Variants in SORBS2 observed in about 807,000 individuals in gnomAD.
The protein encoded by SORBS2 is sorbin and SH3 domain containing 2.
Under a neutral mutation model 97.7 loss-of-function variants are expected in SORBS2, and 46 were observed. The ratio of observed to expected loss-of-function variants is 0.47; its 90% confidence interval spans 0.37 to 0.60. The LOEUF is 0.60. Among genes scored for constraint, SORBS2 ranks in the 20% least tolerant of loss-of-function variants. The pLI is 0.00. For missense variants in SORBS2, 1,316 were observed against 1,282.3 expected, an observed-to-expected ratio of 1.03 and a Z score of -0.40; for synonymous variants, 476 against 473.4, an observed-to-expected ratio of 1.01 and a Z score of -0.07.
chr4:185,837,252 GA>G (rs929458953), intron 1 of SORBS2, among the ~76,000 whole-genome samples: 11 of 147,238 alleles, frequency 7.5e-5, no homozygotes, highest in South Asian at 4.3e-4. Context: ...TTTGTCCCTA[GA>G]AAAAAAAAAG....
intron 1 of SORBS2, among the ~76,000 whole-genome samples, chr4:185,889,504 C>T (rs965866431): frequency 1.3e-5 from 2 of 152,100 alleles, no homozygotes; most frequent in East Asian, 1.9e-4. Flanking sequence ...GCTTCTGGGA[C>T]ATGATGCTGT....
chr4:185,905,090 G>A (rs2099249978), intron 1 of SORBS2, among the ~76,000 whole-genome samples: 1 of 149,880 alleles, frequency 6.7e-6, no homozygotes, highest in Admixed American at 6.7e-5. Context: ...GGCAACAAGA[G>A]TGAAACTCTG....
chr4:185,621,646 G>A (rs540152168), intron 7 of SORBS2, among the ~76,000 whole-genome samples: 1 of 152,262 alleles, frequency 6.6e-6, no homozygotes, highest in South Asian at 2.1e-4. Context: ...AGTGTATAGT[G>A]TAGCAAAAGT....
At chr4:185,718,149 T>C (rs1424282254) in intron 2 of SORBS2, among the ~76,000 whole-genome samples, 1 of 152,064 alleles carries the variant, frequency 6.6e-6, no homozygotes, top group Non-Finnish European at 1.5e-5. Context: ...GAGAATCGCT[T>C]GAGCCTGGGA....
At chr4:185,673,033 G>A (rs895236383) in intron 4 of SORBS2, among the ~76,000 whole-genome samples, 1 of 152,142 alleles carries the variant, frequency 6.6e-6, no homozygotes, top group Non-Finnish European at 1.5e-5. Flanking sequence ...ATACTATTCA[G>A]CCTTAAAAAA....
intron 2 of SORBS2, 28 bp downstream of exon 11, chr4:185,651,756 T>C: frequency 7.6e-7 from 1 of 1,319,990 alleles, no homozygotes; most frequent in Non-Finnish European, 1.1e-6. Context: ...CATAAAATAG[T>C]CATTGCGAGC....
At chr4:185,806,803 T>C (rs2099158965) in intron 1 of SORBS2, among the ~76,000 whole-genome samples, 1 of 152,180 alleles carries the variant, frequency 6.6e-6, no homozygotes, top group African/African-American at 2.4e-5. Context: ...TTGCGGCTAA[T>C]CCTTGCAGCT....
intron 1 of SORBS2, among the ~76,000 whole-genome samples, chr4:185,936,134 C>T (rs1304445180): frequency 6.6e-6 from 1 of 152,254 alleles, no homozygotes; most frequent in Non-Finnish European, 1.5e-5. Context: ...ACTGAGATGA[C>T]AGGCGTGAGC....
chr4:185,821,572 C>T (rs190480166), intron 1 of SORBS2, among the ~76,000 whole-genome samples: 10 of 152,134 alleles, frequency 6.6e-5, no homozygotes, highest in East Asian at 5.8e-4. Context: ...TACAGGTGCC[C>T]GCCACCACAC....
rs772924602 is a variant in SORBS2, at chr4:185,641,760, TA to T, written c.396+4907del. ...TTTTTTTGTTGTTGTTTCTTTTCATTAAAAAAAAAAAAAAACCCACCAGCAA... is the reference window on the plus strand; with the variant it reads ...TTTTTTTGTTGTTGTTTCTTTTCATTAAAAAAAAAAAAAACCCACCAGCAA... On this transcript the variant is annotated intron_variant, in intron 4 of 14. Transcript: ENST00000418609. Among the ~76,000 whole-genome samples the T allele has an allele frequency of 6.9e-3, 986 of 142,358 alleles. 7 individuals carry two copies. The highest frequency in any genetic ancestry group is 0.016 in the African/African-American group (628 of 38,788). 93.4% of individuals were successfully genotyped at this position (142,358 alleles called of 152,430 possible).
chr4:185,930,208 C>A (rs1478515143), intron 1 of SORBS2, among the ~76,000 whole-genome samples: 1 of 152,112 alleles, frequency 6.6e-6, no homozygotes, highest in African/African-American at 2.4e-5. Flanking sequence ...ACAAGAAAAC[C>A]CCATAGAATT....
intron 2 of SORBS2, 126 bp from the exon 11 acceptor site, chr4:185,651,954 C>T (rs1448491786): frequency 7.8e-6 from 5 of 641,702 alleles, no homozygotes; most frequent in African/African-American, 1.9e-5. Context: ...GTTCATAATG[C>T]CATTTTCTTT....
chr4:185,616,187 A>G (rs1235412651), intron 9 of SORBS2, among the ~76,000 whole-genome samples: 1 of 152,216 alleles, frequency 6.6e-6, no homozygotes, highest in Non-Finnish European at 1.5e-5. Flanking sequence ...TTTGGTTCAG[A>G]ATTTTCAGTT....
intron 1 of SORBS2, among the ~76,000 whole-genome samples, chr4:185,955,548 C>A (rs571169197): frequency 6.6e-6 from 1 of 152,172 alleles, no homozygotes; most frequent in Non-Finnish European, 1.5e-5. Context: ...TCTCATGGGT[C>A]TTTTGTTACT....
At chr4:185,676,027 C>T (rs76610266) in intron 4 of SORBS2, among the ~76,000 whole-genome samples, 1 of 152,152 alleles carries the variant, frequency 6.6e-6, no homozygotes, top group East Asian at 1.9e-4. Context: ...AACACAGATA[C>T]AAAAAGGAGT....
rs33934418 is a variant in SORBS2, at chr4:185,587,304, CTTTTTTT to C, written c.*316_*322del. ...GAGGCTGGACAGCCTCCTGGAGACA[CTTTTTTT>C]TTTTTTTTTTGCCTCAAATATTTGA... On this transcript the variant is annotated 3_prime_UTR_variant, in exon 15 of 15. Coordinates refer to ENST00000418609, the Ensembl canonical transcript of SORBS2. The C allele has an allele frequency of 3.6e-4, 57 of 157,838 alleles. 2 individuals are homozygous for C. The highest frequency in any genetic ancestry group is 6.2e-4 in the Non-Finnish European group (49 of 78,724). The allele number at this position is 157,838 out of a possible 1,614,324, so 9.8% of individuals were successfully genotyped here.
In SORBS2 at chr4:185,684,685, A is replaced by G. The variant is rs2097921212; in HGVS notation, c.-197-5863T>C. 2.7e-6 allele frequency: 3 copies of G among 1,131,448 alleles called. No homozygotes were observed. Among genetic ancestry groups the G allele is most frequent in the Non-Finnish European group, 3.8e-6 (3 of 782,116 alleles). The allele number at this position is 1,131,448 out of a possible 1,614,324, so 70.1% of individuals were successfully genotyped here. A position where few individuals can be genotyped will look rare whatever the true frequency, so the allele number is the denominator to read the frequency against. On this transcript the variant is annotated intron_variant, in intron 2 of 20. Transcript: ENST00000284776. The surrounding 1 kb of genome is among the most constrained non-coding windows in gnomAD (Gnocchi z 4.2). The stretch of plus-strand genomic sequence containing the variant: ...TCATTTTCCTTTGCTTTTTACGTTT[A>G]GAACAAAAACAGTCAGAAGAGCTAG...
At chr4:185,699,123 A>C (rs910694030) in intron 2 of SORBS2, among the ~76,000 whole-genome samples, 2 of 152,154 alleles carry the variant, frequency 1.3e-5, no homozygotes, top group Non-Finnish European at 2.9e-5. Flanking sequence ...GAATTATTAC[A>C]AATTCATGTT....
intron 2 of SORBS2, among the ~76,000 whole-genome samples, chr4:185,768,819 A>C (rs1584487728): frequency 6.6e-6 from 1 of 152,214 alleles, no homozygotes. Context: ...CTTCTGAAAA[A>C]GCAAGAAAGG....
Sources: allele counts gnomAD v4.1 joint callset (sites outside exome capture counted in the v4.1 genomes callset), GRCh38; gene constraint gnomAD v4.1.1; non-coding constraint Gnocchi (gnomAD v3.1); transcripts MANE v1.5; gene names NCBI Gene and HGNC (gene_info 2026-07-23, HGNC 2026-07-21).